FXYD6: variants seen among roughly 807,000 people sequenced by gnomAD.
FXYD6 encodes FXYD domain-containing ion transport regulator 6.
In FXYD6, 7 loss-of-function variants were observed where a neutral mutation model predicts 16.7. The ratio of observed to expected loss-of-function variants is 0.42; its 90% confidence interval spans 0.24 to 0.79. The LOEUF is 0.79. FXYD6 is among the 30% of genes least tolerant of loss of function. FXYD6 has a pLI of 0.28. For missense variants in FXYD6, 111 were observed against 116.2 expected (o/e 0.95, Z 0.21); for synonymous variants, 49 against 43.0 (o/e 1.14, Z -0.54).
chr11:117,874,095 A>C (rs2057200606), intron 1 of FXYD6, among the ~76,000 whole-genome samples: 1 of 152,186 alleles, frequency 6.6e-6, no homozygotes, highest in Non-Finnish European at 1.5e-5. Context: ...GCTGAGCCTC[A>C]GTTTCCCCCA....
chr11:117,851,227 T>C (rs758648777), intron 1 of FXYD6, among the ~76,000 whole-genome samples: 3 of 152,168 alleles, frequency 2.0e-5, no homozygotes, highest in Non-Finnish European at 4.4e-5. Context: ...ATGGCAGAAG[T>C]AATGGTATGT....
intron 2 of FXYD6, 108 bp from the exon 3 acceptor site, chr11:117,842,136 G>A: frequency 6.5e-7 from 1 of 1,540,346 alleles, no homozygotes; most frequent in Non-Finnish European, 8.9e-7. Context: ...TTCCAGAGGA[G>A]CAGGGCCCAT....
chr11:117,841,825 C>A lies in FXYD6; in HGVS notation c.138G>T (p.Val46=). 6.2e-7 allele frequency: 1 copy of A among 1,613,920 alleles called. No homozygotes were observed. Among genetic ancestry groups the A allele is most frequent in the East Asian group, 2.2e-5 (1 of 44,876 alleles). Residue 46 remains valine, a synonymous_variant, in exon 4 of 8, where the codon GTG becomes GTT. Transcript: ENST00000526014. ...TLRIGGLVFA[V]VLFSVGILLI... ...GGAGGATCCCAACCGAGAAGAGGAC[C>A]ACAGCGAACACCAGTCCCCCAATCC... is the stretch of plus-strand genomic sequence containing the variant.
At chr11:117,858,488 GGA>G (rs1217115444) in intron 1 of FXYD6, among the ~76,000 whole-genome samples, 2 of 151,998 alleles carry the variant, frequency 1.3e-5, no homozygotes, top group East Asian at 3.9e-4. Context: ...ACAGGGGTAA[GGA>G]CCACACTCAG....
intron 1 of FXYD6, among the ~76,000 whole-genome samples, chr11:117,861,051 G>A (rs2056893519): frequency 1.3e-5 from 2 of 152,184 alleles, no homozygotes; most frequent in Admixed American, 1.3e-4. Flanking sequence ...GTGGCCTCGG[G>A]AGCGTTACTT....
intron 1 of FXYD6, among the ~76,000 whole-genome samples, chr11:117,845,109 A>G (rs1220150309): frequency 1.3e-5 from 2 of 152,200 alleles, no homozygotes; most frequent in African/African-American, 4.8e-5. Context: ...AAGACATTTC[A>G]TCCTCCCAAG....
intron 1 of FXYD6, among the ~76,000 whole-genome samples, chr11:117,861,317 G>T (rs1197228842): frequency 6.6e-6 from 1 of 152,194 alleles, no homozygotes; most frequent in Admixed American, 6.5e-5. Flanking sequence ...CGGATGAAAG[G>T]AGGAGGAGTC....
rs1038273769 is a variant in FXYD6 at position 117,870,696 on chromosome 11, G to T, written c.-6+5896C>A. 3.9e-5 allele frequency among the ~76,000 whole-genome samples: 6 copies of T among 152,184 alleles called. No individual in the cohort carries two copies. The highest frequency in any genetic ancestry group is 8.8e-5 in the Non-Finnish European group (6 of 68,024). The stretch of plus-strand genomic sequence containing the variant: ...GCCTGGATACCCAGAAATGTGCCCT[G>T]CCTTTAGAGGAGGGGGCTGTTGACC... On this transcript the variant is annotated intron_variant, in intron 1 of 7. Coordinates refer to ENST00000526014, the MANE Select transcript of FXYD6 (RefSeq NM_022003.4). This position sits in a 1 kb window ranked among gnomAD's most constrained non-coding sequence, Gnocchi z 4.2.
chr11:117,868,930 G>T (rs1465139983), intron 1 of FXYD6: 1 of 152,238 alleles, frequency 6.6e-6, no homozygotes, highest in East Asian at 1.9e-4. Context: ...TGTAACAGGA[G>T]CTGGGCTTCT....
chr11:117,841,956 C>T (rs1196020216), intron 3 of FXYD6, 34 bp downstream of exon 3: 7 of 1,614,022 alleles, frequency 4.3e-6, no homozygotes, highest in Non-Finnish European at 5.9e-6. Context: ...CTGCATTCCC[C>T]CTGACCCCTG....
intron 1 of FXYD6, among the ~76,000 whole-genome samples, chr11:117,859,229 G>A (rs982444155): frequency 3.9e-5 from 6 of 152,220 alleles, no homozygotes; most frequent in South Asian, 2.1e-4. Context: ...CACCCAGTTC[G>A]GCAGGACACT....
At chr11:117,844,060 TG>T (rs1277592632) in intron 1 of FXYD6, 1 of 152,374 alleles carries the variant, frequency 6.6e-6, no homozygotes, top group Non-Finnish European at 1.5e-5. Context: ...CCTGAACCCC[TG>T]GACATCCGTC....
At chr11:117,858,689 TTCTTTC>T (rs2056812152) in intron 1 of FXYD6, among the ~76,000 whole-genome samples, 3 of 77,684 alleles carry the variant, frequency 3.9e-5, no homozygotes, top group African/African-American at 1.7e-4. Flanking sequence ...CTTTCTTTCT[TTCTTTC>T]TTTCTTTCTC....
At position 117,841,704 on chromosome 11, in the gene FXYD6, G is replaced by A. The variant is rs552074446; in HGVS notation, c.172+87C>T. Reference sequence around the variant, plus strand: ...GCAGCCTCCTTTCCTCTCCAGGAGAGGGACCAACCAGGCTCTCACACTGTC... The same window carrying A: ...GCAGCCTCCTTTCCTCTCCAGGAGAAGGACCAACCAGGCTCTCACACTGTC... On this transcript the variant is annotated intron_variant, in intron 4 of 7. Coordinates refer to ENST00000526014, the MANE Select transcript of FXYD6 (RefSeq NM_022003.4). 4.0e-6 allele frequency: 6 copies of A among 1,509,854 alleles called. No individual in the cohort carries two copies. In the Admixed American group the frequency reaches 8.4e-5, roughly 21 times the overall value. 93.5% of individuals were successfully genotyped at this position (1,509,854 alleles called of 1,614,324 possible). A position where few individuals can be genotyped will look rare whatever the true frequency, so the allele number is the denominator to read the frequency against.
intron 1 of FXYD6, among the ~76,000 whole-genome samples, chr11:117,845,170 C>T (rs2134144536): frequency 6.6e-6 from 1 of 152,360 alleles, no homozygotes; most frequent in Admixed American, 6.5e-5. Context: ...TCCCTTCAAC[C>T]CTGAAACCAT....
intron 1 of FXYD6, among the ~76,000 whole-genome samples, chr11:117,874,737 G>A (rs1220717445): frequency 6.6e-6 from 1 of 152,246 alleles, no homozygotes; most frequent in Non-Finnish European, 1.5e-5. Context: ...AAGAGCAGCG[G>A]CAGTGGAGAG....
chr11:117,856,872 A>G (rs1428366982), intron 1 of FXYD6, among the ~76,000 whole-genome samples: 3 of 152,132 alleles, frequency 2.0e-5, no homozygotes, highest in East Asian at 3.9e-4. Context: ...ATTTAGGGGC[A>G]GGGCAGGGCT....
chr11:117,864,807 G>C (rs919661725), intron 1 of FXYD6, among the ~76,000 whole-genome samples: 1 of 152,092 alleles, frequency 6.6e-6, no homozygotes, highest in South Asian at 2.1e-4. Context: ...GGCTGGTCTC[G>C]AACTCCTGAC....
At chr11:117,869,489 C>A (rs1408379334) in intron 1 of FXYD6, among the ~76,000 whole-genome samples, 1 of 152,222 alleles carries the variant, frequency 6.6e-6, no homozygotes, top group East Asian at 1.9e-4. Context: ...GAGGCTGAGT[C>A]GTCAGGTACC....
Sources: gnomAD v4.1 joint callset for allele counts (sites outside exome capture counted in the v4.1 genomes callset) on GRCh38, gnomAD v4.1.1 for gene constraint, Gnocchi (gnomAD v3.1) non-coding constraint, MANE v1.5 for transcripts, NCBI Gene and HGNC (gene_info 2026-07-23, HGNC 2026-07-21) for gene names.